The following CAGE1 variants were observed in gnomAD, a reference collection of about 807,000 sequenced individuals.
CAGE1 encodes the protein cancer antigen 1, also known as cancer-associated gene 1 protein.
Under a neutral mutation model 94.9 loss-of-function variants are expected in CAGE1, and 66 were observed. That is an observed-to-expected ratio of 0.70 (90% confidence interval 0.57 to 0.85). The LOEUF (loss-of-function observed/expected upper bound fraction) is 0.85. CAGE1 is among the 40% of genes least tolerant of loss of function. CAGE1 has a pLI of 0.00. For missense variants in CAGE1, 865 were observed against 950.4 expected, an observed-to-expected ratio of 0.91 and a Z score of 1.18; for synonymous variants, 319 against 321.0, an observed-to-expected ratio of 0.99 and a Z score of 0.07.
intron 5 of CAGE1, among the ~76,000 whole-genome samples, chr6:7,370,731 C>T (rs753524905): frequency 3.9e-5 from 6 of 152,160 alleles, no homozygotes; most frequent in Non-Finnish European, 7.3e-5. Context: ...CTCATATTTG[C>T]TTCACACATT....
intron 11 of CAGE1, among the ~76,000 whole-genome samples, chr6:7,348,015 T>G (rs1392767911): frequency 1.3e-5 from 2 of 148,430 alleles, no homozygotes; most frequent in South Asian, 2.1e-4. Flanking sequence ...AGGGCATATA[T>G]TCTTGGGAGT....
At chr6:7,382,921 GAAA>G (rs1424746795) in intron 3 of CAGE1, among the ~76,000 whole-genome samples, 2 of 152,048 alleles carry the variant, frequency 1.3e-5, no homozygotes, top group Admixed American at 1.3e-4. Context: ...AGAAAAAAAA[GAAA>G]AAGAAATCTT....
intron 6 of CAGE1, among the ~76,000 whole-genome samples, 174 bp downstream of exon 6, chr6:7,369,745 G>A (rs1265140437): frequency 6.6e-6 from 1 of 152,186 alleles, no homozygotes; most frequent in Non-Finnish European, 1.5e-5. Context: ...AAGATAAGCA[G>A]AAAGAAGACA....
chr6:7,340,841 G>T, intron 11 of CAGE1: 1 of 411,776 alleles, frequency 2.4e-6, no homozygotes. Flanking sequence ...CACTAGCAAA[G>T]CCTGCTTCTG....
Position 7,368,907 on chromosome 6 carries a change from C to A in CAGE1, c.1894-109G>T, listed in dbSNP as rs143689103. On this transcript the variant is annotated intron_variant, in intron 6 of 13. Transcript: ENST00000502583. ...ACAAATCTCCTTTCAATAAGTAAGC[C>A]AATCAAAAGAGGTAAAATCATATTG... is the stretch of plus-strand genomic sequence containing the variant. 4,450 of 627,152 alleles carry A rather than the reference C, an allele frequency of 7.1e-3. 82 individuals are homozygous for A. The highest frequency in any genetic ancestry group is 0.053 in the African/African-American group (2,759 of 51,922). 38.8% of individuals were successfully genotyped at this position (627,152 alleles called of 1,614,324 possible).
At chr6:7,328,876 G>A (rs898514335) in intron 13 of CAGE1, among the ~76,000 whole-genome samples, 2 of 11,424 alleles carry the variant, frequency 1.8e-4, no homozygotes, top group African/African-American at 3.9e-4. Context: ...TCTTATAAGT[G>A]TGTGTGTGTG....
intron 9 of CAGE1, among the ~76,000 whole-genome samples, chr6:7,358,677 CA>C (rs982843553): frequency 6.6e-6 from 1 of 151,896 alleles, no homozygotes; most frequent in Non-Finnish European, 1.5e-5. Context: ...TCCAGCTCTA[CA>C]AAAAAAATTT....
rs896701095 is a variant in CAGE1, at chr6:7,354,913, G to T, written c.2369+128C>A. 7 of 622,656 alleles carry T rather than the reference G, an allele frequency of 1.1e-5. No homozygotes were observed. In the East Asian group the frequency reaches 1.7e-4, roughly 15 times the overall value. 38.6% of individuals were successfully genotyped at this position (622,656 alleles called of 1,614,324 possible). ...AGCAGTCTATACCTATATTAATAAAGAATGAACTTAATTAATAAAACTGCA... is the reference window on the plus strand; with the variant it reads ...AGCAGTCTATACCTATATTAATAAATAATGAACTTAATTAATAAAACTGCA... On this transcript the variant is annotated intron_variant, in intron 11 of 13. Coordinates refer to ENST00000502583, the MANE Select transcript of CAGE1 (RefSeq NM_001170692.2).
chr6:7,350,313 C>T (rs1054252162), intron 11 of CAGE1, among the ~76,000 whole-genome samples: 1 of 152,132 alleles, frequency 6.6e-6, no homozygotes, highest in Non-Finnish European at 1.5e-5. Flanking sequence ...ATACTGGGGG[C>T]TGGCTTCAAT....
chr6:7,358,029 T>TAGATAGATAGATAG (rs1377946924), intron 9 of CAGE1, among the ~76,000 whole-genome samples: 1 of 13,566 alleles, frequency 7.4e-5, no homozygotes, highest in Non-Finnish European at 1.5e-4. Flanking sequence ...AGTTTTGAGA[T>TAGATAGATAGATAG]ATATATATAT....
intron 11 of CAGE1, among the ~76,000 whole-genome samples, chr6:7,352,306 CAAAA>C (rs796943772): frequency 9.6e-6 from 1 of 103,980 alleles, no homozygotes; most frequent in Admixed American, 9.9e-5. Context: ...AAAAAAAAAA[CAAAA>C]AAAAACAAAA....
Position 7,355,107 on chromosome 6 carries a change from G to A in CAGE1, c.2303C>T (p.Thr768Ile). The change falls in exon 11 of 14, where the codon ACA becomes ATA. Residue 768 changes from threonine to isoleucine, a missense_variant. By Grantham distance (89) the Thr-to-Ile change is moderately conservative. Transcript: ENST00000502583. ...RHLGNLIKKV[T>I]SYEEIIECAD... Reference sequence around the variant, plus strand: ...ACATTCAATGATTTCTTCATATGATGTAACCTTGAAAAAAATAAGCTAAAC... The same window carrying A: ...ACATTCAATGATTTCTTCATATGATATAACCTTGAAAAAAATAAGCTAAAC... 6.3e-7 allele frequency: 1 copy of A among 1,595,354 alleles called. No homozygotes were observed. Among genetic ancestry groups the A allele is most frequent in the Non-Finnish European group, 8.6e-7 (1 of 1,169,508 alleles).
rs531188231 is a variant in CAGE1, at chr6:7,373,357, G to C, written c.1462C>G (p.Gln488Glu). Reference sequence around the variant, plus strand: ...TTTTCAAGTTTCTGGAATTCCTCCTGTAAAGACAAGAACTCTTGTTCTTGG... The same window carrying C: ...TTTTCAAGTTTCTGGAATTCCTCCTCTAAAGACAAGAACTCTTGTTCTTGG... ...EAQEQEFLSL[Q>E]EEFQKLEKEN... is the part of the protein sequence containing the mutation. The change falls in exon 5 of 14, where the codon CAG becomes GAG. Residue 488 changes from glutamine to glutamate, a missense_variant. Physicochemically the swap from Gln to Glu is conservative, Grantham distance 29 (BLOSUM62 2). Transcript: ENST00000502583. 3.3e-5 allele frequency: 53 copies of C among 1,613,238 alleles called. 1 individual carries two copies. In the South Asian group the frequency reaches 3.9e-4, roughly 12 times the overall value.
At chr6:7,386,335 C>T (rs1761119726) in intron 2 of CAGE1, among the ~76,000 whole-genome samples, 1 of 152,200 alleles carries the variant, frequency 6.6e-6, no homozygotes, top group Admixed American at 6.5e-5. Flanking sequence ...TTTAGCACAA[C>T]ACTCATGAAG....
At chr6:7,355,568 A>G (rs1759922987) in intron 10 of CAGE1, among the ~76,000 whole-genome samples, 1 of 152,268 alleles carries the variant, frequency 6.6e-6, no homozygotes, top group African/African-American at 2.4e-5. Context: ...CTAAAAGGAT[A>G]ATGGGGGTGT....
At chr6:7,340,853 TC>T (rs1759142228) in intron 11 of CAGE1, 1 of 415,568 alleles carries the variant, frequency 2.4e-6, no homozygotes, top group African/African-American at 2.1e-5. Flanking sequence ...CTGCTTCTGT[TC>T]CTGCAGCACA....
At position 7,374,009 on chromosome 6, in the gene CAGE1, C is replaced by A; in HGVS notation, c.810G>T (p.Ser270=). The change falls in exon 5 of 14, where the codon TCG becomes TCT. Residue 270 remains serine (S), a synonymous_variant. Transcript: ENST00000502583. The part of the protein sequence containing the change: ...ERPEIVSTWS[S]AGISWRSEAC... The stretch of plus-strand genomic sequence containing the variant: ...CTTCACTCCTCCAGGAAATGCCTGC[C>A]GAAGACCAAGTTGAGACAATTTCTG... 6.2e-7 allele frequency: 1 copy of A among 1,614,018 alleles called. No homozygotes were observed. The highest frequency in any genetic ancestry group is 8.5e-7 in the Non-Finnish European group (1 of 1,179,884).
chr6:7,360,936 G>A (rs1760143945), intron 9 of CAGE1, among the ~76,000 whole-genome samples: 3 of 152,056 alleles, frequency 2.0e-5, no homozygotes, highest in South Asian at 2.1e-4. Flanking sequence ...GACAGAGCAC[G>A]ACTCTGTCTC....
intron 7 of CAGE1, among the ~76,000 whole-genome samples, chr6:7,366,430 G>A (rs1237713368): frequency 2.6e-5 from 4 of 152,138 alleles, no homozygotes; most frequent in African/African-American, 4.8e-5. Flanking sequence ...ACTGCAGAAA[G>A]TTTTCCACCA....
Sources: allele counts gnomAD v4.1 joint callset (sites outside exome capture counted in the v4.1 genomes callset), GRCh38; gene constraint gnomAD v4.1.1; transcripts MANE v1.5; gene names NCBI Gene and HGNC (gene_info 2026-07-23, HGNC 2026-07-21).